The following HYDIN variants were observed in gnomAD, a reference collection of about 807,000 sequenced individuals.
HYDIN encodes HYDIN axonemal central pair apparatus protein, also known as axonemal central pair apparatus protein HYDIN.
Under a neutral mutation model 403.9 loss-of-function variants are expected in HYDIN, and 132 were observed. The ratio of observed to expected loss-of-function variants is 0.33; its 90% CI spans 0.28 to 0.38. HYDIN has a LOEUF of 0.38. Among genes scored for constraint, HYDIN ranks in the 10% least tolerant of loss-of-function variants. The pLI, the probability that HYDIN is intolerant of heterozygous loss-of-function variation, is 1.00. For synonymous variants in HYDIN, 1,202 were observed against 1,891.7 expected (o/e 0.64, Z 9.46); for missense variants, 2,827 against 5,009.5 (o/e 0.56, Z 13.15).
chr16:70,918,160 T>G, intron 47 of HYDIN, 51 bp downstream of exon 47: 1 of 485,916 alleles, frequency 2.1e-6, no homozygotes, highest in Non-Finnish European at 3.8e-6. Context: ...CTTCTCTCCC[T>G]GCCTGCTGAA....
At position 70,974,251 on chromosome 16, in the gene HYDIN, C is replaced by T. The variant is rs1252611609; in HGVS notation, c.4959G>A (p.Thr1653=). The change falls in exon 33 of 86, where the codon ACG becomes ACA. Residue 1653 remains threonine, a synonymous_variant. Transcript: ENST00000393567. The part of the protein sequence containing the change: ...DRVKNLPHCE[T]EIFEVRFDPQ... ...GGTCAAATCTCACTTCAAATATTTC[C>T]GTTTCACAATGAGGTAGATTCTTTA... 31 of 1,610,976 alleles carry T rather than the reference C, an allele frequency of 1.9e-5. No individual in the cohort carries two copies. The highest frequency in any genetic ancestry group is 1.6e-4 in the Middle Eastern group (1 of 6,084).
chr16:71,206,334 A>G (rs1315955143), intron 1 of HYDIN, among the ~76,000 whole-genome samples: 1 of 152,212 alleles, frequency 6.6e-6, no homozygotes, highest in African/African-American at 2.4e-5. Flanking sequence ...CTCCTCTAAG[A>G]CCCAGAAGAC....
At chr16:71,072,396 T>A (rs1384784266) in intron 13 of HYDIN, among the ~76,000 whole-genome samples, 3 of 152,074 alleles carry the variant, frequency 2.0e-5, no homozygotes, top group African/African-American at 7.2e-5. Context: ...TGTAAATTCT[T>A]TGGATGGGTT....
At chr16:71,051,660 C>CAAA (rs1219589325) in intron 18 of HYDIN, among the ~76,000 whole-genome samples, 416 of 90,096 alleles carry the variant, frequency 4.6e-3, no homozygotes, top group African/African-American at 0.015. Context: ...AAAAAAAAAA[C>CAAA]AAAAAAAACA....
At chr16:70,847,117 G>A (rs536351503) in intron 75 of HYDIN, among the ~76,000 whole-genome samples, 1 of 151,692 alleles carries the variant, frequency 6.6e-6, no homozygotes, top group African/African-American at 2.4e-5. Context: ...CTCGTTAGTT[G>A]ATGCAGTTTC....
intron 3 of HYDIN, among the ~76,000 whole-genome samples, chr16:71,180,629 G>A (rs1383177453): frequency 6.6e-6 from 1 of 151,400 alleles, no homozygotes; most frequent in Non-Finnish European, 1.5e-5. Flanking sequence ...ATGAAAGAAA[G>A]AGAAAAAAAA....
At chr16:71,220,869 C>A (rs1195731749) in intron 1 of HYDIN, among the ~76,000 whole-genome samples, 2 of 152,166 alleles carry the variant, frequency 1.3e-5, no homozygotes, top group African/African-American at 4.8e-5. Context: ...TGAACCAACT[C>A]TCCTGCTGAA....
At chr16:70,863,935 G>T (rs1253041028) in intron 67 of HYDIN, among the ~76,000 whole-genome samples, 1 of 151,956 alleles carries the variant, frequency 6.6e-6, no homozygotes, top group Non-Finnish European at 1.5e-5. Flanking sequence ...ACCCCTGCCT[G>T]TGACCCCTTT....
chr16:71,163,229 T>C (rs894347925), intron 5 of HYDIN, among the ~76,000 whole-genome samples: 23 of 151,638 alleles, frequency 1.5e-4, no homozygotes, highest in African/African-American at 5.3e-4. Context: ...TTCACGCCAT[T>C]CTCCTGCCTC....
chr16:70,825,625 G>C (rs1798362), intron 83 of HYDIN, among the ~76,000 whole-genome samples: 1,235 of 120,912 alleles, frequency 0.01, 6 homozygotes, highest in African/African-American at 0.029. Context: ...CACAAGGCAG[G>C]GTAGCCATCA....
At chr16:70,862,293 G>A in intron 68 of HYDIN, 38 bp from the exon 69 acceptor site, 1 of 1,343,970 alleles carries the variant, frequency 7.4e-7, no homozygotes, top group Non-Finnish European at 1.0e-6. Context: ...TTCTGCATTT[G>A]CAGTGAGAGG....
chr16:70,975,983 A>G (rs1456961161), intron 30 of HYDIN, among the ~76,000 whole-genome samples: 2 of 139,576 alleles, frequency 1.4e-5, no homozygotes. Context: ...TTTGACACGT[A>G]ATCAACAAGA....
At chr16:71,210,892 T>C (rs368585571) in intron 1 of HYDIN, among the ~76,000 whole-genome samples, 1 of 152,106 alleles carries the variant, frequency 6.6e-6, no homozygotes, top group Non-Finnish European at 1.5e-5. Flanking sequence ...TTTTACAAAT[T>C]TATGTATATT....
intron 64 of HYDIN, among the ~76,000 whole-genome samples, chr16:70,872,740 C>T (rs1187533526): frequency 7.5e-6 from 1 of 133,602 alleles, no homozygotes; most frequent in Non-Finnish European, 1.6e-5. Context: ...TATCCACCCT[C>T]CCATCCATCC....
intron 1 of HYDIN, among the ~76,000 whole-genome samples, chr16:71,198,318 C>T (rs1243576585): frequency 1.3e-5 from 2 of 152,130 alleles, no homozygotes; most frequent in African/African-American, 4.8e-5. Context: ...TTCTATGATG[C>T]TATGAACATT....
chr16:71,083,941 T>TA, intron 12 of HYDIN, among the ~76,000 whole-genome samples: 1 of 135,176 alleles, frequency 7.4e-6, no homozygotes, highest in Non-Finnish European at 1.6e-5. Flanking sequence ...AAAATGCAGA[T>TA]AAAGGGAAAC....
At chr16:71,024,058 T>A in intron 21 of HYDIN, among the ~76,000 whole-genome samples, 1 of 152,220 alleles carries the variant, frequency 6.6e-6, no homozygotes, top group Non-Finnish European at 1.5e-5. Flanking sequence ...CTGTTGTATC[T>A]CTAGCCCCCA....
intron 23 of HYDIN, among the ~76,000 whole-genome samples, chr16:71,017,607 A>G (rs1467894069): frequency 1.3e-5 from 2 of 151,592 alleles, no homozygotes; most frequent in African/African-American, 4.9e-5. Flanking sequence ...TAGTTAAAAT[A>G]GTTAAATTAA....
chr16:70,861,119 C>T (rs12103368), intron 69 of HYDIN, among the ~76,000 whole-genome samples: 1,320 of 134,584 alleles, frequency 9.8e-3, no homozygotes, highest in Admixed American at 0.019. Context: ...TAAGTATGGC[C>T]GCAGGTTACT....
Sources: gnomAD v4.1 joint callset for allele counts (sites outside exome capture counted in the v4.1 genomes callset) on GRCh38, gnomAD v4.1.1 for gene constraint, MANE v1.5 for transcripts, NCBI Gene and HGNC (gene_info 2026-07-23, HGNC 2026-07-21) for gene names.